Variants in NRXN3 observed in about 807,000 individuals in gnomAD.
The protein encoded by NRXN3 is neurexin 3.
A neutral mutation model predicts 137.6 loss-of-function variants in NRXN3; 32 were observed. That is an observed-to-expected ratio of 0.23 (90% CI 0.18 to 0.31). The LOEUF is 0.31. Among genes scored for constraint, NRXN3 ranks in the 10% least tolerant of loss-of-function variants. The pLI is 1.00. For missense variants in NRXN3, 1,574 were observed against 2,062.5 expected (o/e 0.76, Z 4.59); for synonymous variants, 798 against 784.5 (o/e 1.02, Z -0.29).
chr14:79,684,353 G>A (rs1603427438), intron 17 of NRXN3, among the ~76,000 whole-genome samples: 2 of 152,258 alleles, frequency 1.3e-5, no homozygotes, highest in African/African-American at 4.8e-5. Flanking sequence ...TTATGATGTG[G>A]TTGTTGAAGC....
At chr14:79,002,380 CCT>C (rs938951842) in intron 15 of NRXN3, among the ~76,000 whole-genome samples, 32 of 152,022 alleles carry the variant, frequency 2.1e-4, no homozygotes, top group African/African-American at 7.0e-4. Flanking sequence ...GATCCTATCC[CCT>C]GACAGGCCCC....
At chr14:79,236,819 G>A (rs977965899) in intron 15 of NRXN3, among the ~76,000 whole-genome samples, 3 of 152,106 alleles carry the variant, frequency 2.0e-5, no homozygotes, top group African/African-American at 7.2e-5. Context: ...GGAGGCTGAG[G>A]TGGGAGGATC....
chr14:79,716,285 A>T (rs776326471), intron 19 of NRXN3, among the ~76,000 whole-genome samples: 13 of 152,150 alleles, frequency 8.5e-5, no homozygotes, highest in Admixed American at 3.9e-4. Flanking sequence ...TTAATATATC[A>T]CACTCATCTC....
chr14:78,479,161 G>A (rs1006995465), intron 4 of NRXN3, among the ~76,000 whole-genome samples: 10 of 152,130 alleles, frequency 6.6e-5, no homozygotes, highest in African/African-American at 2.4e-4. Context: ...ATCACCTGGC[G>A]AACTTTAAAA....
intron 10 of NRXN3, among the ~76,000 whole-genome samples, chr14:78,863,596 CT>C (rs1193934891): frequency 2.0e-5 from 3 of 152,092 alleles, no homozygotes. Flanking sequence ...TACCTACAGC[CT>C]TCCCAACAAG....
chr14:78,642,810 A>T (rs61976141), intron 4 of NRXN3, among the ~76,000 whole-genome samples: 48,339 of 152,150 alleles, frequency 0.32, 8,202 homozygotes, highest in African/African-American at 0.41. Flanking sequence ...AGTGGATAGA[A>T]CTACTTCAAA....
chr14:79,432,728 C>T (rs1199355707), intron 15 of NRXN3, among the ~76,000 whole-genome samples: 1 of 151,990 alleles, frequency 6.6e-6, no homozygotes, highest in Non-Finnish European at 1.5e-5. Context: ...GCTTTTGTTT[C>T]AGGGATAGAA....
At chr14:79,519,655 C>T (rs1314929252) in intron 16 of NRXN3, among the ~76,000 whole-genome samples, 3 of 151,690 alleles carry the variant, frequency 2.0e-5, no homozygotes, top group Non-Finnish European at 4.4e-5. Context: ...ACATTCGACC[C>T]AAGAATTAAG....
intron 4 of NRXN3, among the ~76,000 whole-genome samples, chr14:78,360,301 G>GT (rs1258641384): frequency 1.3e-5 from 2 of 151,966 alleles, no homozygotes. Context: ...TCCTTTCACT[G>GT]TTTAAAAAAA....
chr14:78,432,894 C>T (rs923886473), intron 4 of NRXN3, among the ~76,000 whole-genome samples: 3 of 152,144 alleles, frequency 2.0e-5, no homozygotes, highest in South Asian at 2.1e-4. Context: ...TAAGAAGACC[C>T]GTCAGGGAAG....
chr14:78,232,153 C>T (rs2065508679), intron 1 of NRXN3, among the ~76,000 whole-genome samples: 1 of 152,256 alleles, frequency 6.6e-6, no homozygotes, highest in Non-Finnish European at 1.5e-5. Context: ...TGGGGCTGTG[C>T]CAGGCCCCAC....
At chr14:78,357,958 C>T (rs8017044) in intron 4 of NRXN3, among the ~76,000 whole-genome samples, 69,391 of 151,950 alleles carry the variant, frequency 0.46, 16,058 homozygotes, top group Middle Eastern at 0.57. Context: ...GGTATGGTTG[C>T]ACTACATCTC....
chr14:79,356,690 C>T (rs2093435011), intron 15 of NRXN3, among the ~76,000 whole-genome samples: 1 of 152,118 alleles, frequency 6.6e-6, no homozygotes, highest in South Asian at 2.1e-4. Flanking sequence ...CCACTGCCTC[C>T]CCATTTAACT....
At chr14:78,848,224 G>C (rs2099033014) in intron 10 of NRXN3, among the ~76,000 whole-genome samples, 2 of 152,104 alleles carry the variant, frequency 1.3e-5, no homozygotes, top group Non-Finnish European at 2.9e-5. Flanking sequence ...AATTCTCTAT[G>C]TTTAGTGAGC....
intron 4 of NRXN3, among the ~76,000 whole-genome samples, chr14:78,545,395 C>T (rs1182275186): frequency 2.0e-5 from 3 of 152,172 alleles, no homozygotes; most frequent in Admixed American, 2.0e-4. Context: ...TCTTTTCTTT[C>T]CATTTTTGTT....
chr14:78,457,412 C>G (rs750135275), intron 4 of NRXN3, among the ~76,000 whole-genome samples: 27 of 152,242 alleles, frequency 1.8e-4, no homozygotes, highest in Non-Finnish European at 4.4e-5. Context: ...GCAAGGCCCC[C>G]TCACTTCGTT....
intron 10 of NRXN3, among the ~76,000 whole-genome samples, chr14:78,823,932 A>G (rs1370117772): frequency 6.6e-6 from 1 of 152,084 alleles, no homozygotes; most frequent in Non-Finnish European, 1.5e-5. Flanking sequence ...TTGCCAGTGT[A>G]TATCCCCCAC....
chr14:79,059,387 A>G (rs973262412), intron 15 of NRXN3, among the ~76,000 whole-genome samples: 2 of 150,990 alleles, frequency 1.3e-5, no homozygotes, highest in African/African-American at 4.9e-5. Context: ...CCTCCCAAGT[A>G]GCTGAGACTA....
chr14:79,204,785 A>G (rs60000826), intron 15 of NRXN3, among the ~76,000 whole-genome samples: 4,627 of 152,252 alleles, frequency 0.03, 236 homozygotes, highest in African/African-American at 0.11. Flanking sequence ...TGCACAGGGA[A>G]GGAAATGAAG....
Sources: gnomAD v4.1 joint callset for allele counts (sites outside exome capture counted in the v4.1 genomes callset) on GRCh38, gnomAD v4.1.1 for gene constraint, MANE v1.5 for transcripts, NCBI Gene and HGNC (gene_info 2026-07-23, HGNC 2026-07-21) for gene names.